Variants in NRG1 observed in about 807,000 individuals in gnomAD.
NRG1 encodes the protein neuregulin 1, also known as pro-neuregulin-1, membrane-bound isoform.
Under a neutral mutation model 63.8 loss-of-function variants are expected in NRG1, and 18 were observed. The observed-to-expected ratio is 0.28, with a 90% confidence interval of 0.19 to 0.42. The LOEUF is 0.42. Ranked by LOEUF, NRG1 falls within the 10% of genes least tolerant of loss-of-function variation. The probability of loss-of-function intolerance (pLI) is 1.00; values close to 1 mark genes in which losing one functional copy is unlikely to be tolerated. For synonymous variants in NRG1, 302 were observed against 301.3 expected (o/e 1.00, Z -0.02); for missense variants, 762 against 814.7 (o/e 0.94, Z 0.79).
intron 1 of NRG1, among the ~76,000 whole-genome samples, chr8:31,724,594 T>C (rs1813241074): frequency 6.8e-6 from 1 of 148,046 alleles, no homozygotes; most frequent in African/African-American, 2.5e-5. Flanking sequence ...TATTGAGAAA[T>C]GAAAGGATGC....
At chr8:31,872,058 G>A (rs1829535374) in intron 1 of NRG1, among the ~76,000 whole-genome samples, 1 of 152,170 alleles carries the variant, frequency 6.6e-6, no homozygotes, top group African/African-American at 2.4e-5. Context: ...TTTGATTGAA[G>A]CATCTTAAAG....
intron 1 of NRG1, among the ~76,000 whole-genome samples, chr8:32,378,365 C>T (rs4733319): frequency 0.13 from 19,535 of 152,064 alleles, 1,675 homozygotes; most frequent in Admixed American, 0.25. Flanking sequence ...ATGCCCGGGG[C>T]GCTTCCATTT....
At chr8:32,391,086 T>C (rs958685832) in intron 1 of NRG1, among the ~76,000 whole-genome samples, 1 of 152,094 alleles carries the variant, frequency 6.6e-6, no homozygotes, top group Non-Finnish European at 1.5e-5. Context: ...TAAAATAAAA[T>C]AAATTAGCTT....
chr8:32,469,191 G>C (rs772824203), intron 1 of NRG1, among the ~76,000 whole-genome samples: 2 of 152,194 alleles, frequency 1.3e-5, no homozygotes, highest in Non-Finnish European at 2.9e-5. Flanking sequence ...TGATATAACA[G>C]TCATGTGGCA....
At chr8:32,594,433 G>A (rs1275699407) in intron 1 of NRG1, among the ~76,000 whole-genome samples, 13 of 152,152 alleles carry the variant, frequency 8.5e-5, no homozygotes, top group South Asian at 2.1e-4. Flanking sequence ...GTGAAATTAT[G>A]TGTGAGAGGA....
chr8:32,709,710 T>A (rs1482840116), intron 5 of NRG1, among the ~76,000 whole-genome samples: 1 of 152,178 alleles, frequency 6.6e-6, no homozygotes, highest in Admixed American at 6.5e-5. Context: ...TGTGAGCCAA[T>A]GAGCCTGGCA....
intron 1 of NRG1, among the ~76,000 whole-genome samples, chr8:32,304,032 A>G (rs973855194): frequency 6.6e-6 from 1 of 152,190 alleles, no homozygotes; most frequent in Non-Finnish European, 1.5e-5. Context: ...TACAAAAAAA[A>G]CTCAGAATAT....
chr8:32,681,982 C>T (rs1456715220), intron 5 of NRG1, among the ~76,000 whole-genome samples: 1 of 152,080 alleles, frequency 6.6e-6, no homozygotes, highest in Non-Finnish European at 1.5e-5. Context: ...CAGTGAGGAC[C>T]TGCTATGTGC....
chr8:31,725,620 C>A (rs990552906), intron 1 of NRG1, among the ~76,000 whole-genome samples: 1 of 152,134 alleles, frequency 6.6e-6, no homozygotes, highest in Non-Finnish European at 1.5e-5. Context: ...CAGAGCCAAT[C>A]TCTTTATAAT....
rs1205582476 is a variant in NRG1, at chr8:32,750,361, C to A, written c.692-4011C>A. 4.6e-5 allele frequency among the ~76,000 whole-genome samples: 7 copies of A among 152,160 alleles called. No individual in the cohort carries two copies. The East Asian group carries it at 7.8e-4, about 17-fold the overall frequency. The stretch of plus-strand genomic sequence containing the variant: ...AATTTGGACACACTTTTTTGTAAGG[C>A]CTTCATCCTACATAGTTGGGATTGA... On this transcript the variant is annotated intron_variant, in intron 7 of 11. Transcript: ENST00000356819.
intron 5 of NRG1, among the ~76,000 whole-genome samples, chr8:32,720,669 A>G (rs1336182885): frequency 6.6e-6 from 1 of 152,158 alleles, no homozygotes; most frequent in Non-Finnish European, 1.5e-5. Flanking sequence ...ATTATCCACT[A>G]TGGGAAGATA....
intron 2 of NRG1, among the ~76,000 whole-genome samples, chr8:32,597,940 A>G (rs1219632040): frequency 6.6e-6 from 1 of 152,176 alleles, no homozygotes; most frequent in Non-Finnish European, 1.5e-5. Context: ...ATACTCCTAG[A>G]TTTTGGATGG....
Position 31,899,788 on chromosome 8 carries a change from G to A in NRG1, c.37+260357G>A, listed in dbSNP as rs541501618. On this transcript the variant is annotated intron_variant, in intron 1 of 10. Transcript: ENST00000519301. ...CACATACACACACTCAATAAAATGT[G>A]TTGTTTTAAAATTATTACCCTAAGG... 5.3e-5 allele frequency among the ~76,000 whole-genome samples: 8 copies of A among 152,272 alleles called. No individual in the cohort carries two copies. In the South Asian group the frequency reaches 1.2e-3, roughly 24 times the overall value.
chr8:31,954,480 TTAG>T (rs1804037687), intron 1 of NRG1, among the ~76,000 whole-genome samples: 3 of 152,210 alleles, frequency 2.0e-5, no homozygotes, highest in Admixed American at 2.0e-4. Flanking sequence ...ACACATTGCA[TTAG>T]TAGGTTCTCA....
At chr8:32,694,284 G>C (rs867864845) in intron 5 of NRG1, among the ~76,000 whole-genome samples, 5 of 152,106 alleles carry the variant, frequency 3.3e-5, no homozygotes, top group African/African-American at 1.2e-4. Flanking sequence ...GATGTTCATC[G>C]TAATACTTTG....
At chr8:32,174,998 T>A (rs1840539394) in intron 1 of NRG1, among the ~76,000 whole-genome samples, 1 of 152,216 alleles carries the variant, frequency 6.6e-6, no homozygotes, top group African/African-American at 2.4e-5. Context: ...AGCACCATCC[T>A]GATACCAAAG....
intron 1 of NRG1, among the ~76,000 whole-genome samples, chr8:31,773,631 A>C (rs759675572): frequency 1.3e-5 from 2 of 152,202 alleles, no homozygotes; most frequent in Non-Finnish European, 2.9e-5. Flanking sequence ...AATACCCATC[A>C]CAAAGCCTTT....
At chr8:31,933,730 T>A (rs1378277807) in intron 1 of NRG1, among the ~76,000 whole-genome samples, 1 of 152,168 alleles carries the variant, frequency 6.6e-6, no homozygotes, top group Non-Finnish European at 1.5e-5. Context: ...CTAGAATAAG[T>A]CTTATTTTTT....
intron 1 of NRG1, among the ~76,000 whole-genome samples, chr8:32,412,882 T>C (rs1563429609): frequency 6.6e-6 from 1 of 152,150 alleles, no homozygotes; most frequent in African/African-American, 2.4e-5. Context: ...TATATATACA[T>C]TTACACTTAA....
Sources: allele counts gnomAD v4.1 joint callset (sites outside exome capture counted in the v4.1 genomes callset), GRCh38; gene constraint gnomAD v4.1.1; transcripts MANE v1.5; gene names NCBI Gene and HGNC (gene_info 2026-07-23, HGNC 2026-07-21).